Variants in UBE2QL1 observed in about 807,000 individuals in gnomAD.
UBE2QL1 encodes ubiquitin-conjugating enzyme E2Q-like protein 1.
In UBE2QL1, 5 loss-of-function variants were observed where a neutral mutation model predicts 12.6. That is an observed-to-expected ratio of 0.40 (90% CI 0.21 to 0.83). The LOEUF is 0.83. UBE2QL1 is among the 40% of genes least tolerant of loss of function. The probability of loss-of-function intolerance (pLI) is 0.37; values close to 1 mark genes in which losing one functional copy is unlikely to be tolerated. For synonymous variants in UBE2QL1, 96 were observed against 94.5 expected, an observed-to-expected ratio of 1.02 and a Z score of -0.10; for missense variants, 99 against 222.6, an observed-to-expected ratio of 0.44 and a Z score of 3.53.
rs201426590 is a variant in UBE2QL1 at position 6,480,217 on chromosome 5, TG to T, written c.355-10998del. On this transcript the variant is annotated intron_variant, in intron 1 of 1. Transcript: ENST00000399816. ...CCTCCAAAGCCAGGAATTCCTGCAC[TG>T]GGATCCTGGCCCTTGGCCACTTCCT... is the stretch of plus-strand genomic sequence containing the variant. Among the ~76,000 whole-genome samples the T allele has an allele frequency of 4.5e-3, 684 of 152,390 alleles. 3 individuals are homozygous for T. The highest frequency in any genetic ancestry group is 0.016 in the African/African-American group (646 of 41,598).
intron 1 of UBE2QL1, among the ~76,000 whole-genome samples, chr5:6,484,098 G>C (rs1212182105): frequency 1.3e-5 from 2 of 152,196 alleles, no homozygotes; most frequent in Non-Finnish European, 1.5e-5. Flanking sequence ...CTAAATCACA[G>C]CTAGTCATGG....
chr5:6,464,176 A>G (rs1039309236), intron 1 of UBE2QL1, among the ~76,000 whole-genome samples: 8 of 152,208 alleles, frequency 5.3e-5, no homozygotes, highest in African/African-American at 1.4e-4. Context: ...AAACAAGGTC[A>G]GTTGTAAACC....
At chr5:6,487,213 A>G (rs576539702) in intron 1 of UBE2QL1, among the ~76,000 whole-genome samples, 1 of 152,330 alleles carries the variant, frequency 6.6e-6, no homozygotes, top group Non-Finnish European at 1.5e-5. Flanking sequence ...GCCACTTGTC[A>G]TCTTATTAGC....
intron 1 of UBE2QL1, among the ~76,000 whole-genome samples, chr5:6,484,536 G>C (rs922432802): frequency 2.0e-5 from 3 of 152,152 alleles, no homozygotes; most frequent in Admixed American, 1.3e-4. Context: ...CGTTGCAAAG[G>C]TTGCCCAGGT....
intron 1 of UBE2QL1, among the ~76,000 whole-genome samples, chr5:6,462,392 C>T (rs1739690611): frequency 6.6e-6 from 1 of 152,108 alleles, no homozygotes; most frequent in Non-Finnish European, 1.5e-5. Flanking sequence ...GCAAGCTTTC[C>T]CAGAAGCCCA....
At chr5:6,454,394 G>C (rs1263121947) in intron 1 of UBE2QL1, among the ~76,000 whole-genome samples, 1 of 152,138 alleles carries the variant, frequency 6.6e-6, no homozygotes, top group African/African-American at 2.4e-5. Flanking sequence ...TAAGAACACA[G>C]TCAGATTGGA....
At chr5:6,489,379 G>A (rs1009605698) in intron 1 of UBE2QL1, among the ~76,000 whole-genome samples, 14 of 151,734 alleles carry the variant, frequency 9.2e-5, no homozygotes, top group Non-Finnish European at 1.6e-4. Context: ...AGCTACGATC[G>A]CGCCACTGCA....
chr5:6,491,500 A>G lies in UBE2QL1; in HGVS notation c.*151A>G. 1.8e-6 allele frequency: 2 copies of G among 1,091,498 alleles called. No homozygotes were observed. The highest frequency in any genetic ancestry group is 2.0e-5 in the South Asian group (1 of 49,262). 67.6% of individuals were successfully genotyped at this position (1,091,498 alleles called of 1,614,324 possible). A position where few individuals can be genotyped will look rare whatever the true frequency, so the allele number is the denominator to read the frequency against. ...GGAGACGTTTAAGTTATTTATGAAA[A>G]GATGTGTGTACAGAGAGGAAGAGGG... On this transcript the variant is annotated 3_prime_UTR_variant, in exon 2 of 2. Transcript: ENST00000399816.
chr5:6,456,855 G>C (rs1005578669), intron 1 of UBE2QL1, among the ~76,000 whole-genome samples: 1 of 152,092 alleles, frequency 6.6e-6, no homozygotes, highest in Non-Finnish European at 1.5e-5. Context: ...GAAGCTGCCC[G>C]ACCTTGCCCC....
intron 1 of UBE2QL1, among the ~76,000 whole-genome samples, chr5:6,455,353 G>A (rs1739498521): frequency 6.6e-6 from 1 of 152,174 alleles, no homozygotes; most frequent in Non-Finnish European, 1.5e-5. Flanking sequence ...AGGCAGATAA[G>A]ACACCAGCAG....
In UBE2QL1 at chr5:6,491,930, A is replaced by C. The variant is rs958696505; in HGVS notation, c.*581A>C. Reference sequence around the variant, plus strand: ...ATGACCTTTGGCTCATGAAAACACAAATTTAACATTGCCAGGTTCTAGTGA... The same window carrying C: ...ATGACCTTTGGCTCATGAAAACACACATTTAACATTGCCAGGTTCTAGTGA... On this transcript the variant is annotated 3_prime_UTR_variant, in exon 2 of 2. Coordinates refer to ENST00000399816, the MANE Select transcript of UBE2QL1 (RefSeq NM_001145161.3). 6.6e-6 allele frequency: 1 copy of C among 152,242 alleles called. No homozygotes were observed. The highest frequency in any genetic ancestry group is 6.5e-5 in the Admixed American group (1 of 15,284). The allele number at this position is 152,242 out of a possible 1,614,324, so 9.4% of individuals were successfully genotyped here.
chr5:6,478,869 C>T lies in UBE2QL1; in HGVS notation c.355-12349C>T, dbSNP rs1200284578. On this transcript the variant is annotated intron_variant, in intron 1 of 1. Coordinates refer to ENST00000399816, the MANE Select transcript of UBE2QL1 (RefSeq NM_001145161.3). This position sits in a 1 kb window ranked among gnomAD's most constrained non-coding sequence, Gnocchi z 4.5. ...ATTCTGTCAGGAAACAGGCAAAAGGCAGGAGACATGGAGAGTGGGTGCCCA... is the reference window on the plus strand; with the variant it reads ...ATTCTGTCAGGAAACAGGCAAAAGGTAGGAGACATGGAGAGTGGGTGCCCA... Among the ~76,000 whole-genome samples the T allele has an allele frequency of 1.3e-5, 2 of 152,110 alleles. No homozygotes were observed. Among genetic ancestry groups the T allele is most frequent in the Non-Finnish European group, 2.9e-5 (2 of 68,000 alleles).
intron 1 of UBE2QL1, among the ~76,000 whole-genome samples, chr5:6,490,989 C>A (rs775056452): frequency 2.0e-5 from 3 of 152,020 alleles, no homozygotes; most frequent in African/African-American, 2.4e-5. Context: ...AAGACAGCAC[C>A]CCCCTCCCCT....
At chr5:6,456,304 A>C (rs2126326223) in intron 1 of UBE2QL1, among the ~76,000 whole-genome samples, 1 of 152,344 alleles carries the variant, frequency 6.6e-6, no homozygotes, top group South Asian at 2.1e-4. Flanking sequence ...ACATGGGCAC[A>C]GTGGGGTCCT....
intron 1 of UBE2QL1, among the ~76,000 whole-genome samples, chr5:6,477,081 C>T (rs1222958945): frequency 6.6e-6 from 1 of 152,146 alleles, no homozygotes; most frequent in Non-Finnish European, 1.5e-5. Context: ...ACCCTCTACA[C>T]ACCCCCATGC....
At position 6,491,437 on chromosome 5, in the gene UBE2QL1, C is replaced by T. The variant is rs1359813467; in HGVS notation, c.*88C>T. ...TCCTCAATGCTGTGCATCCTCCACC[C>T]GTTTTTACTCCAGCCAGAACTGCAT... On this transcript the variant is annotated 3_prime_UTR_variant, in exon 2 of 2. Coordinates refer to ENST00000399816, the MANE Select transcript of UBE2QL1 (RefSeq NM_001145161.3). 8 of 1,423,792 alleles carry T rather than the reference C, an allele frequency of 5.6e-6. No individual in the cohort carries two copies. The highest frequency in any genetic ancestry group is 1.4e-5 in the African/African-American group (1 of 69,132). 88.2% of individuals were successfully genotyped at this position (1,423,792 alleles called of 1,614,324 possible). A position where few individuals can be genotyped will look rare whatever the true frequency, so the allele number is the denominator to read the frequency against.
At chr5:6,472,041 A>G (rs941215707) in intron 1 of UBE2QL1, among the ~76,000 whole-genome samples, 2 of 152,082 alleles carry the variant, frequency 1.3e-5, no homozygotes, top group African/African-American at 4.8e-5. Flanking sequence ...CAGGTGTGTC[A>G]TGTCATTCCG....
rs1291202849 is a variant in UBE2QL1, at chr5:6,476,288, G to C, written c.355-14930G>C. On this transcript the variant is annotated intron_variant, in intron 1 of 1. Coordinates refer to ENST00000399816, the MANE Select transcript of UBE2QL1 (RefSeq NM_001145161.3). The surrounding 1 kb of genome is among the most constrained non-coding windows in gnomAD (Gnocchi z 4.9). ...TCAGGAGCAGCCAAGGCATAAAGCA[G>C]TCAACGCGGTGCCCTCAGGGCAAAT... Among the ~76,000 whole-genome samples, 1 of 152,258 alleles carries C rather than the reference G, an allele frequency of 6.6e-6. No individual in the cohort carries two copies.
At chr5:6,470,425 G>A (rs917121254) in intron 1 of UBE2QL1, among the ~76,000 whole-genome samples, 1 of 152,170 alleles carries the variant, frequency 6.6e-6, no homozygotes, top group Non-Finnish European at 1.5e-5. Flanking sequence ...ATAGAAAATA[G>A]TACATGCTAA....
Sources: allele counts gnomAD v4.1 joint callset (sites outside exome capture counted in the v4.1 genomes callset), GRCh38; gene constraint gnomAD v4.1.1; non-coding constraint Gnocchi (gnomAD v3.1); transcripts MANE v1.5; gene names NCBI Gene and HGNC (gene_info 2026-07-23, HGNC 2026-07-21).